LSP1: variants seen among roughly 807,000 people sequenced by gnomAD.
LSP1 encodes lymphocyte specific protein 1.
In LSP1, 32 loss-of-function variants were observed where a neutral mutation model predicts 49.3. That is an observed-to-expected ratio of 0.65 (90% CI 0.49 to 0.87). LSP1 has a LOEUF of 0.87. Among genes scored for constraint, LSP1 ranks in the 40% least tolerant of loss-of-function variants. LSP1 has a pLI of 0.00. For synonymous variants in LSP1, 179 were observed against 178.8 expected (o/e 1.00, Z -0.01); for missense variants, 428 against 442.6 (o/e 0.97, Z 0.30).
intron 1 of LSP1, chr11:1,865,352 C>A (rs1035559169): frequency 8.1e-5 from 44 of 541,678 alleles, no homozygotes; most frequent in Non-Finnish European, 1.0e-4. Flanking sequence ...GGGCCTCCCC[C>A]CAGCTTCGGT....
Position 1,873,986 on chromosome 11 carries a change from G to A in LSP1, c.54-6101G>A, listed in dbSNP as rs556785027. Among the ~76,000 whole-genome samples the A allele has an allele frequency of 2.6e-3, 177 of 68,388 alleles. 8 individuals are homozygous for A. The highest frequency in any genetic ancestry group is 9.8e-3 in the Middle Eastern group (1 of 102). The allele number at this position is 68,388 out of a possible 152,430, so 44.9% of individuals were successfully genotyped here. A position where few individuals can be genotyped will look rare whatever the true frequency, so the allele number is the denominator to read the frequency against. ...AGCCCGGCGGAGGAGGGAGGCCGGC[G>A]GAGGAGGGAGGCTGGCAGAGCAGGG... On this transcript the variant is annotated intron_variant, in intron 1 of 10. Transcript: ENST00000311604.
chr11:1,857,023 G>A (rs1218573985), intron 1 of LSP1, among the ~76,000 whole-genome samples: 1 of 152,222 alleles, frequency 6.6e-6, no homozygotes, highest in Non-Finnish European at 1.5e-5. Flanking sequence ...AAGACCTGAT[G>A]TCTGGACCCA....
At chr11:1,866,622 G>A (rs1270942861) in intron 1 of LSP1, 5 of 1,550,114 alleles carry the variant, frequency 3.2e-6, no homozygotes, top group African/African-American at 1.4e-5. Context: ...TCCTCCTCCT[G>A]GGCTTCCAGG....
chr11:1,890,607 G>A lies in LSP1; in HGVS notation c.*14-1166G>A, dbSNP rs1259450045. 4 of 697,994 alleles carry A rather than the reference G, an allele frequency of 5.7e-6. No individual in the cohort carries two copies. In the East Asian group the frequency reaches 1.1e-4, roughly 19 times the overall value. The allele number at this position is 697,994 out of a possible 1,614,324, so 43.2% of individuals were successfully genotyped here. ...CATGACTGTGTCCTAGGGTGGGAGGGACAGTGGTCAGGCCAGCCCTCCTCC... is the reference window on the plus strand; with the variant it reads ...CATGACTGTGTCCTAGGGTGGGAGGAACAGTGGTCAGGCCAGCCCTCCTCC... On this transcript the variant is annotated intron_variant, in intron 10 of 10. Transcript: ENST00000311604.
chr11:1,855,740 T>C (rs1847472569), intron 1 of LSP1, among the ~76,000 whole-genome samples: 1 of 152,180 alleles, frequency 6.6e-6, no homozygotes, highest in South Asian at 2.1e-4. Flanking sequence ...GTCACTAGCT[T>C]GTCCTTGTCC....
At chr11:1,889,923 G>T (rs767454220) in intron 10 of LSP1, 8 of 629,572 alleles carry the variant, frequency 1.3e-5, no homozygotes, top group Non-Finnish European at 2.0e-5. Flanking sequence ...TGGGACCAGG[G>T]GCTGGGCCCT....
intron 3 of LSP1, 81 bp from the exon 4 acceptor site, chr11:1,883,338 A>G (rs1848624495): frequency 6.5e-7 from 1 of 1,535,696 alleles, no homozygotes. Context: ...CAGATGGGGA[A>G]ACTGAGGCTT....
chr11:1,858,637 G>T (rs889564043), intron 1 of LSP1, among the ~76,000 whole-genome samples: 1 of 152,212 alleles, frequency 6.6e-6, no homozygotes, highest in East Asian at 1.9e-4. Context: ...AGAAGAGAGG[G>T]AAGCGAGCGG....
chr11:1,887,475 G>A lies in LSP1; in HGVS notation c.932G>A (p.Ser311Asn). The change falls in exon 10 of 11, where the codon AGC becomes AAC. Residue 311 changes from serine (S) to asparagine (N), a missense_variant and splice_region_variant. Transcript: ENST00000311604. ...ACTCTTGGTCTCCTTTCCCAACAGA[G>A]CACCCCATCTGGGAAGAGGTATAAG... ...GGSKTSSTIKSTPSGKRYKFV... is the reference protein window; with the variant it reads ...GGSKTSSTIKNTPSGKRYKFV... 1.2e-6 allele frequency: 2 copies of A among 1,613,772 alleles called. No homozygotes were observed. The highest frequency in any genetic ancestry group is 2.7e-5 in the African/African-American group (2 of 74,994).
chr11:1,854,398 G>A (rs906663220), intron 1 of LSP1, among the ~76,000 whole-genome samples: 6 of 152,206 alleles, frequency 3.9e-5, no homozygotes, highest in African/African-American at 7.2e-5. Context: ...GACCCGGGGC[G>A]GTGCAGGGAC....
At chr11:1,867,048 G>A (rs888663180) in intron 1 of LSP1, 8 of 899,404 alleles carry the variant, frequency 8.9e-6, no homozygotes, top group Non-Finnish European at 9.8e-6. Context: ...TGGGGAGGAG[G>A]CACTGAAGCC....
At chr11:1,873,500 T>TGGAG (rs80276862) in intron 1 of LSP1, among the ~76,000 whole-genome samples, 33,789 of 94,268 alleles carry the variant, frequency 0.36, 5,854 homozygotes, top group East Asian at 0.63. Context: ...TAAGGAAAGA[T>TGGAG]GGAGGGAGGG....
At chr11:1,879,996 C>T (rs771346173) in intron 1 of LSP1, 91 bp from the exon 2 acceptor site, 11 of 1,491,120 alleles carry the variant, frequency 7.4e-6, no homozygotes, top group African/African-American at 1.4e-5. Context: ...CACCGTGTGG[C>T]CCCAGCAAGG....
chr11:1,889,476 G>T (rs1435180486), intron 10 of LSP1: 3 of 628,420 alleles, frequency 4.8e-6, no homozygotes, highest in Non-Finnish European at 8.8e-6. Flanking sequence ...CTCTGTGGGG[G>T]TGGGCACCTC....
chr11:1,880,031 G>A, intron 1 of LSP1, 56 bp from the exon 2 acceptor site: 2 of 1,599,388 alleles, frequency 1.3e-6, no homozygotes, highest in African/African-American at 1.3e-5. Flanking sequence ...AGGAATGGGT[G>A]CAAAACAGCA....
chr11:1,881,652 C>T lies in LSP1; in HGVS notation c.356+56C>T, dbSNP rs113870893. ...GCAGAGCAGGGCTCCCTCTGGACCTCGAGGGCGGGCGCTGGGCAGAGCAGG... is the reference window on the plus strand; with the variant it reads ...GCAGAGCAGGGCTCCCTCTGGACCTTGAGGGCGGGCGCTGGGCAGAGCAGG... On this transcript the variant is annotated intron_variant, in intron 3 of 10. Transcript: ENST00000311604. 10 of 1,440,714 alleles carry T rather than the reference C, an allele frequency of 6.9e-6. No individual in the cohort carries two copies. The African/African-American group carries it at 1.0e-4, about 15-fold the overall frequency. 89.2% of individuals were successfully genotyped at this position (1,440,714 alleles called of 1,614,324 possible). A position where few individuals can be genotyped will look rare whatever the true frequency, so the allele number is the denominator to read the frequency against.
At chr11:1,885,711 A>G (rs1589831544) in intron 7 of LSP1, among the ~76,000 whole-genome samples, 2 of 151,902 alleles carry the variant, frequency 1.3e-5, no homozygotes, top group African/African-American at 4.8e-5. Context: ...CCATCCACCC[A>G]GTGCCCCTCC....
intron 1 of LSP1, among the ~76,000 whole-genome samples, chr11:1,873,450 G>A (rs572489943): frequency 4.3e-5 from 6 of 138,304 alleles, no homozygotes; most frequent in East Asian, 4.8e-4. Context: ...TCACTCCTCC[G>A]TCTTTGGGTC....
chr11:1,858,739 A>G (rs1406002163), intron 1 of LSP1, among the ~76,000 whole-genome samples: 1 of 152,144 alleles, frequency 6.6e-6, no homozygotes, highest in Non-Finnish European at 1.5e-5. Context: ...CCCCTCCCCA[A>G]CATCTAGGGA....
Sources: allele counts gnomAD v4.1 joint callset (sites outside exome capture counted in the v4.1 genomes callset), GRCh38; gene constraint gnomAD v4.1.1; transcripts MANE v1.5; gene names NCBI Gene and HGNC (gene_info 2026-07-23, HGNC 2026-07-21).